ARID5B: variants seen among roughly 807,000 people sequenced by gnomAD.
ARID5B encodes AT-rich interactive domain-containing protein 5B.
ARID5B carries 13 observed loss-of-function variants against 97.2 expected under a neutral mutation model. The observed-to-expected ratio is 0.13, with a 90% confidence interval of 0.09 to 0.21. The LOEUF is 0.21. Ranked by LOEUF, ARID5B falls within the 10% of genes least tolerant of loss-of-function variation. The pLI is 1.00. For synonymous variants in ARID5B, 556 were observed against 570.3 expected, an observed-to-expected ratio of 0.97 and a Z score of 0.36; for missense variants, 1,210 against 1,465.3, an observed-to-expected ratio of 0.83 and a Z score of 2.84.
chr10:61,995,844 T>C (rs569906028), intron 3 of ARID5B, among the ~76,000 whole-genome samples: 10 of 152,292 alleles, frequency 6.6e-5, no homozygotes, highest in Admixed American at 5.9e-4. Context: ...GTGGGCTTTC[T>C]CCAGTTTGGT....
intron 2 of ARID5B, among the ~76,000 whole-genome samples, chr10:61,903,561 G>C (rs1425126716): frequency 6.6e-6 from 1 of 152,238 alleles, no homozygotes. Context: ...TTGCCAAAGC[G>C]AGAGCAGGGT....
rs200296846 is a variant in ARID5B, at chr10:61,983,873, T to A, written c.503-16218T>A. ...TTTTAAACCCCCTTTTGTTCTTTTT[T>A]TTTTTTTTTTTTTTTTTTTTTTTTT... is the stretch of plus-strand genomic sequence containing the variant. On this transcript the variant is annotated intron_variant, in intron 3 of 9. Coordinates refer to ENST00000279873, the MANE Select transcript of ARID5B (RefSeq NM_032199.3). Among the ~76,000 whole-genome samples the A allele has an allele frequency of 2.1e-3, 7 of 3,324 alleles. 2 individuals carry two copies. The South Asian group carries it at 0.17, about 79-fold the overall frequency. The allele number at this position is 3,324 out of a possible 152,430, so 2.2% of individuals were successfully genotyped here.
intron 3 of ARID5B, among the ~76,000 whole-genome samples, chr10:61,974,482 A>G (rs1838673415): frequency 6.6e-6 from 1 of 152,202 alleles, no homozygotes; most frequent in African/African-American, 2.4e-5. Flanking sequence ...TGGGACAGGA[A>G]TGTTGAAATA....
chr10:62,068,695 C>T (rs551538697), intron 7 of ARID5B, among the ~76,000 whole-genome samples: 10 of 152,162 alleles, frequency 6.6e-5, no homozygotes, highest in South Asian at 2.1e-4. Context: ...AGAGTTTTCC[C>T]GTAACCCTGT....
intron 3 of ARID5B, among the ~76,000 whole-genome samples, chr10:61,947,986 C>T (rs188577814): frequency 1.3e-5 from 2 of 152,330 alleles, no homozygotes; most frequent in East Asian, 3.9e-4. Context: ...AGGTTCATTT[C>T]TTCTTCTGAT....
intron 4 of ARID5B, among the ~76,000 whole-genome samples, chr10:62,025,811 G>GAAA (rs750842683): frequency 3.7e-4 from 22 of 59,584 alleles, no homozygotes; most frequent in Admixed American, 1.8e-3. Flanking sequence ...GAGTGGAAGC[G>GAAA]AAAAAAAAAA....
At chr10:62,076,627 C>T (rs953687897) in intron 8 of ARID5B, among the ~76,000 whole-genome samples, 2 of 136,382 alleles carry the variant, frequency 1.5e-5, no homozygotes, top group African/African-American at 5.2e-5. Flanking sequence ...ATAAGTTCAA[C>T]AGGGATCAAA....
At chr10:61,979,091 T>A (rs1838740794) in intron 3 of ARID5B, among the ~76,000 whole-genome samples, 1 of 152,128 alleles carries the variant, frequency 6.6e-6, no homozygotes, top group Non-Finnish European at 1.5e-5. Context: ...GACACAGAGC[T>A]CATCGGGAGA....
intron 2 of ARID5B, among the ~76,000 whole-genome samples, chr10:61,912,091 T>C (rs1334421920): frequency 2.0e-5 from 3 of 152,234 alleles, no homozygotes; most frequent in Admixed American, 1.3e-4. Context: ...TGTTCTATTG[T>C]ATTTGAAAAG....
At chr10:61,944,753 C>T (rs1844473496) in intron 3 of ARID5B, among the ~76,000 whole-genome samples, 1 of 152,194 alleles carries the variant, frequency 6.6e-6, no homozygotes, top group Admixed American at 6.5e-5. Context: ...ATTAAAACAG[C>T]ATTTTCATTT....
At chr10:62,082,569 C>G (rs1840227379) in intron 8 of ARID5B, among the ~76,000 whole-genome samples, 1 of 152,140 alleles carries the variant, frequency 6.6e-6, no homozygotes, top group South Asian at 2.1e-4. Flanking sequence ...AATAATCAAC[C>G]TCAAGGCGCA....
At chr10:61,994,134 G>T (rs1838965078) in intron 3 of ARID5B, among the ~76,000 whole-genome samples, 1 of 152,134 alleles carries the variant, frequency 6.6e-6, no homozygotes, top group South Asian at 2.1e-4. Context: ...ATACGATTAA[G>T]AGAACTAAAG....
At chr10:62,089,838 T>G (rs529024509) in intron 9 of ARID5B, among the ~76,000 whole-genome samples, 1 of 152,238 alleles carries the variant, frequency 6.6e-6, no homozygotes, top group South Asian at 2.1e-4. Flanking sequence ...AGAACAAAGT[T>G]CAAGGGATGA....
intron 3 of ARID5B, among the ~76,000 whole-genome samples, chr10:61,975,141 C>G (rs1221134115): frequency 6.6e-6 from 1 of 152,070 alleles, no homozygotes; most frequent in East Asian, 1.9e-4. Flanking sequence ...TGCAAAGCAG[C>G]TGTGCAACCC....
At chr10:61,917,846 T>C (rs1843937764) in intron 2 of ARID5B, among the ~76,000 whole-genome samples, 1 of 152,170 alleles carries the variant, frequency 6.6e-6, no homozygotes, top group Admixed American at 6.5e-5. Flanking sequence ...AGCTTGGCTC[T>C]GCCCTGGAGT....
At chr10:62,063,085 A>G (rs1379476993) in intron 7 of ARID5B, among the ~76,000 whole-genome samples, 2 of 152,170 alleles carry the variant, frequency 1.3e-5, no homozygotes, top group African/African-American at 4.8e-5. Context: ...TGCCTTTTGT[A>G]GCATCTTTTA....
chr10:62,012,410 G>T (rs1352700252), intron 4 of ARID5B, among the ~76,000 whole-genome samples: 1 of 152,172 alleles, frequency 6.6e-6, no homozygotes, highest in African/African-American at 2.4e-5. Context: ...TGTAGTCCCA[G>T]CTACTCAGGA....
At chr10:61,963,324 T>A (rs1415875171) in intron 3 of ARID5B, among the ~76,000 whole-genome samples, 1 of 152,092 alleles carries the variant, frequency 6.6e-6, no homozygotes, top group Non-Finnish European at 1.5e-5. Context: ...TGTTTTAGAT[T>A]CTAAAAAGGA....
intron 3 of ARID5B, among the ~76,000 whole-genome samples, chr10:61,983,066 G>A (rs1263197406): frequency 6.6e-6 from 1 of 152,140 alleles, no homozygotes; most frequent in African/African-American, 2.4e-5. Flanking sequence ...GAGGCTGCTT[G>A]TGTGAGCCTC....
Sources: gnomAD v4.1 joint callset for allele counts (sites outside exome capture counted in the v4.1 genomes callset) on GRCh38, gnomAD v4.1.1 for gene constraint, MANE v1.5 for transcripts, NCBI Gene and HGNC (gene_info 2026-07-23, HGNC 2026-07-21) for gene names.